PTPN9: variants seen among roughly 807,000 people sequenced by gnomAD.
PTPN9 encodes protein tyrosine phosphatase non-receptor type 9.
A neutral mutation model predicts 69.8 loss-of-function variants in PTPN9; 26 were observed. The observed-to-expected ratio is 0.37, with a 90% confidence interval of 0.27 to 0.52. PTPN9 has a LOEUF of 0.52. Ranked by LOEUF, PTPN9 falls within the 20% of genes least tolerant of loss-of-function variation. The pLI is 0.91. For missense variants in PTPN9, 549 were observed against 740.3 expected (o/e 0.74, Z 3.00); for synonymous variants, 274 against 272.5 (o/e 1.01, Z -0.05).
At chr15:75,474,397 T>A (rs1434385188) in intron 9 of PTPN9, among the ~76,000 whole-genome samples, 1 of 151,966 alleles carries the variant, frequency 6.6e-6, no homozygotes, top group Non-Finnish European at 1.5e-5. Flanking sequence ...CACATGCCTG[T>A]AGTCTCAGGT....
chr15:75,542,595 A>G (rs1389159998), intron 1 of PTPN9, among the ~76,000 whole-genome samples: 10 of 152,232 alleles, frequency 6.6e-5, no homozygotes, highest in Admixed American at 6.5e-4. Context: ...ACTGTTAAAC[A>G]CGAAAAGCTC....
intron 8 of PTPN9, among the ~76,000 whole-genome samples, chr15:75,486,158 GA>G: frequency 6.6e-6 from 1 of 152,026 alleles, no homozygotes; most frequent in South Asian, 2.1e-4. Flanking sequence ...ACACTTGGGG[GA>G]AAATTGGAAT....
chr15:75,572,086 C>T (rs937195175), intron 1 of PTPN9, among the ~76,000 whole-genome samples: 5 of 151,954 alleles, frequency 3.3e-5, no homozygotes, highest in Non-Finnish European at 7.4e-5. Context: ...AATCCCAGCA[C>T]TTTGGGCTGC....
intron 9 of PTPN9, 107 bp from the exon 10 acceptor site, chr15:75,473,874 T>C: frequency 1.2e-6 from 1 of 810,770 alleles, no homozygotes; most frequent in Non-Finnish European, 2.1e-6. Context: ...CATAGATGGT[T>C]AGCTCCCTGC....
At chr15:75,471,992 G>T (rs1272505184) in intron 10 of PTPN9, among the ~76,000 whole-genome samples, 1 of 151,810 alleles carries the variant, frequency 6.6e-6, no homozygotes, top group East Asian at 1.9e-4. Flanking sequence ...TGGCCCCAAA[G>T]TATTCCAAGG....
chr15:75,505,266 C>A (rs1227702533), intron 7 of PTPN9, among the ~76,000 whole-genome samples: 2 of 149,336 alleles, frequency 1.3e-5, no homozygotes, highest in Non-Finnish European at 3.0e-5. Flanking sequence ...GCAGCATGCT[C>A]GTTAAGAATC....
At chr15:75,504,018 G>A (rs1436723906) in intron 7 of PTPN9, among the ~76,000 whole-genome samples, 3 of 133,030 alleles carry the variant, frequency 2.3e-5, no homozygotes, top group African/African-American at 5.7e-5. Flanking sequence ...CGCCCCGTCC[G>A]GGAGGGAGGT....
chr15:75,466,660 G>A lies in PTPN9; in HGVS notation c.*2109C>T, dbSNP rs1290868715. ...TTAAGAACTTTTTTTACTCTGAAAG[G>A]AGAGCTAAACAAACCTCTGTTCTCC... is the stretch of plus-strand genomic sequence containing the variant. On this transcript the variant is annotated 3_prime_UTR_variant, in exon 13 of 13. Transcript: ENST00000618819. 6.6e-6 allele frequency: 1 copy of A among 152,154 alleles called. No homozygotes were observed. The highest frequency in any genetic ancestry group is 1.5e-5 in the Non-Finnish European group (1 of 68,036). 9.4% of individuals were successfully genotyped at this position (152,154 alleles called of 1,614,324 possible). A position where few individuals can be genotyped will look rare whatever the true frequency, so the allele number is the denominator to read the frequency against.
intron 1 of PTPN9, among the ~76,000 whole-genome samples, chr15:75,564,137 A>C (rs1223189243): frequency 2.6e-5 from 4 of 151,628 alleles, no homozygotes; most frequent in African/African-American, 9.7e-5. Context: ...GGAGTGCAGC[A>C]GCAAAATCAT....
intron 7 of PTPN9, among the ~76,000 whole-genome samples, chr15:75,491,639 C>T (rs779667020): frequency 1.2e-4 from 19 of 152,092 alleles, no homozygotes; most frequent in Non-Finnish European, 2.6e-4. Context: ...ACTATGGGCT[C>T]AGAAAAAGAA....
chr15:75,473,104 C>A (rs1165390286), intron 10 of PTPN9, among the ~76,000 whole-genome samples: 1 of 152,148 alleles, frequency 6.6e-6, no homozygotes, highest in African/African-American at 2.4e-5. Flanking sequence ...AGGCCAGGAC[C>A]TCAAAATAGG....
intron 1 of PTPN9, among the ~76,000 whole-genome samples, chr15:75,552,587 A>G (rs2075060920): frequency 6.6e-6 from 1 of 151,876 alleles, no homozygotes; most frequent in African/African-American, 2.4e-5. Context: ...ATTCTAGGCT[A>G]ATGTAAGTGC....
chr15:75,482,294 G>A (rs535137478), intron 8 of PTPN9, among the ~76,000 whole-genome samples: 20 of 152,142 alleles, frequency 1.3e-4, no homozygotes, highest in African/African-American at 3.1e-4. Context: ...GGCCGGGCGC[G>A]GTGGCTCACG....
At chr15:75,541,747 C>T (rs1335419216) in intron 1 of PTPN9, among the ~76,000 whole-genome samples, 2 of 151,706 alleles carry the variant, frequency 1.3e-5, no homozygotes, top group Non-Finnish European at 2.9e-5. Context: ...TACTCTGTCA[C>T]CTAGGTTGGA....
In PTPN9 at chr15:75,578,935, C is replaced by G. The variant is rs2075187069; in HGVS notation, c.-159G>C. ...CGGCGCCTGCAGCGGCCGCAAACGC[C>G]GCTTCTGCTTCCTTAAGAAAAATCT... is the stretch of plus-strand genomic sequence containing the variant. On this transcript the variant is annotated 5_prime_UTR_variant, in exon 1 of 13. Coordinates refer to ENST00000618819, the MANE Select transcript of PTPN9 (RefSeq NM_002833.4). 1 of 331,268 alleles carries G rather than the reference C, an allele frequency of 3.0e-6. No individual in the cohort carries two copies. The highest frequency in any genetic ancestry group is 5.2e-6 in the Non-Finnish European group (1 of 191,572). The allele number at this position is 331,268 out of a possible 1,614,324, so 20.5% of individuals were successfully genotyped here. A position where few individuals can be genotyped will look rare whatever the true frequency, so the allele number is the denominator to read the frequency against.
intron 5 of PTPN9, among the ~76,000 whole-genome samples, chr15:75,514,548 A>G (rs2141315749): frequency 6.6e-6 from 1 of 152,322 alleles, no homozygotes; most frequent in East Asian, 1.9e-4. Context: ...CACTGCACTC[A>G]GCCTTGGCAA....
At chr15:75,501,075 A>AT in intron 7 of PTPN9, among the ~76,000 whole-genome samples, 1 of 151,844 alleles carries the variant, frequency 6.6e-6, no homozygotes, top group Non-Finnish European at 1.5e-5. Context: ...TCTTGATCTG[A>AT]TTGACTTCTT....
chr15:75,496,418 G>A (rs1334363719), intron 7 of PTPN9, among the ~76,000 whole-genome samples: 1 of 151,656 alleles, frequency 6.6e-6, no homozygotes, highest in East Asian at 1.9e-4. Flanking sequence ...ATTATTGGAA[G>A]AGTAGTCAAA....
intron 1 of PTPN9, among the ~76,000 whole-genome samples, chr15:75,566,660 CAG>C (rs2141343565): frequency 6.6e-6 from 1 of 150,692 alleles, no homozygotes; most frequent in Non-Finnish European, 1.5e-5. Context: ...GCCTGGGCGA[CAG>C]AGTCTCACTC....
Sources: allele counts gnomAD v4.1 joint callset (sites outside exome capture counted in the v4.1 genomes callset), GRCh38; gene constraint gnomAD v4.1.1; transcripts MANE v1.5; gene names NCBI Gene and HGNC (gene_info 2026-07-23, HGNC 2026-07-21).